The following AFF1 variants were observed in gnomAD, a reference collection of about 807,000 sequenced individuals.
The protein encoded by AFF1 is ALF transcription elongation factor 1.
A neutral mutation model predicts 121.7 loss-of-function variants in AFF1; 48 were observed. The observed-to-expected ratio is 0.39, with a 90% CI of 0.31 to 0.50. The LOEUF is 0.50. Ranked by LOEUF, AFF1 falls within the 20% of genes least tolerant of loss-of-function variation. AFF1 has a pLI of 0.76. For missense variants in AFF1, 1,523 were observed against 1,511.7 expected, an observed-to-expected ratio of 1.01 and a Z score of -0.12; for synonymous variants, 613 against 563.0, an observed-to-expected ratio of 1.09 and a Z score of -1.26.
chr4:87,088,775 GTATT>G (rs35756067), intron 5 of AFF1, among the ~76,000 whole-genome samples: 2 of 150,360 alleles, frequency 1.3e-5, no homozygotes, highest in South Asian at 2.1e-4. Context: ...TTGTATTTTT[GTATT>G]TATTTATTTA....
At chr4:87,058,647 A>G (rs1025790551) in intron 4 of AFF1, among the ~76,000 whole-genome samples, 2 of 152,054 alleles carry the variant, frequency 1.3e-5, no homozygotes, top group African/African-American at 2.4e-5. Flanking sequence ...CAGCTCTTTC[A>G]TGATAGTCTA....
Position 87,047,502 on chromosome 4 carries a change from G to A in AFF1, c.967G>A (p.Asp323Asn). 1 of 1,614,192 alleles carries A rather than the reference G, an allele frequency of 6.2e-7. No homozygotes were observed. The highest frequency in any genetic ancestry group is 1.1e-5 in the South Asian group (1 of 91,076). ...CCCTGAACTGAAACCACTGCCGGAG[G>A]ACTATCGACAGCAGACCTTTGAAAA... ...ESPELKPLPEDYRQQTFEKTD... is the reference protein window; with the variant it reads ...ESPELKPLPENYRQQTFEKTD... Residue 323 changes from aspartate (D) to asparagine (N), a missense_variant, in exon 4 of 21, where the codon GAC becomes AAC. By Grantham distance (23) the Asp-to-Asn change is conservative. Coordinates refer to ENST00000395146, the MANE Select transcript of AFF1 (RefSeq NM_001166693.3).
intron 2 of AFF1, among the ~76,000 whole-genome samples, chr4:87,043,369 T>C (rs1200652055): frequency 6.6e-6 from 1 of 152,138 alleles, no homozygotes; most frequent in African/African-American, 2.4e-5. Context: ...AATAGAAGCT[T>C]AGATGCTCAG....
At chr4:87,005,825 G>A (rs1412648130) in intron 2 of AFF1, among the ~76,000 whole-genome samples, 1 of 152,204 alleles carries the variant, frequency 6.6e-6, no homozygotes, top group Admixed American at 6.5e-5. Context: ...AATAACGTGT[G>A]GTAGTGAAGA....
At chr4:87,090,460 A>G (rs948217958) in intron 6 of AFF1, among the ~76,000 whole-genome samples, 1 of 152,208 alleles carries the variant, frequency 6.6e-6, no homozygotes, top group African/African-American at 2.4e-5. Context: ...TAATGTGATC[A>G]GTTACACTAG....
At chr4:86,940,733 C>T (rs1300234365) in intron 1 of AFF1, among the ~76,000 whole-genome samples, 1 of 152,146 alleles carries the variant, frequency 6.6e-6, no homozygotes, top group Non-Finnish European at 1.5e-5. Context: ...GTAAGTGTGT[C>T]TGCTCTTCAC....
intron 7 of AFF1, among the ~76,000 whole-genome samples, chr4:87,093,733 T>C (rs1412025198): frequency 6.6e-6 from 1 of 152,176 alleles, no homozygotes; most frequent in African/African-American, 2.4e-5. Context: ...GCTGCCACCA[T>C]GAGGGCAAAG....
chr4:87,006,214 T>C (rs1054616128), intron 2 of AFF1, among the ~76,000 whole-genome samples: 2 of 152,162 alleles, frequency 1.3e-5, no homozygotes, highest in Admixed American at 6.5e-5. Context: ...CAGGCAGTTA[T>C]TCAGTATTCA....
intron 8 of AFF1, among the ~76,000 whole-genome samples, chr4:87,102,966 T>C (rs1273878087): frequency 1.3e-5 from 2 of 152,188 alleles, no homozygotes; most frequent in Admixed American, 6.5e-5. Context: ...CCTCTTAAAT[T>C]TAAAAGAAAT....
intron 12 of AFF1, among the ~76,000 whole-genome samples, chr4:87,115,609 C>CTTT (rs71660115): frequency 4.9e-4 from 20 of 40,662 alleles, no homozygotes; most frequent in Admixed American, 1.1e-3. Flanking sequence ...CAACCCACCT[C>CTTT]TTTTTTTTTT....
chr4:86,984,813 T>C (rs189814361), intron 2 of AFF1, among the ~76,000 whole-genome samples: 1 of 152,180 alleles, frequency 6.6e-6, no homozygotes, highest in Admixed American at 6.5e-5. Flanking sequence ...GTCCCGCTAC[T>C]TGGGATTCTG....
In AFF1 at chr4:87,115,137, G is replaced by C; in HGVS notation, c.2304G>C (p.Leu768Phe). The C allele has an allele frequency of 1.2e-6, 2 of 1,614,166 alleles. No homozygotes were observed. Among genetic ancestry groups the C allele is most frequent in the Non-Finnish European group, 1.7e-6 (2 of 1,180,034 alleles). Residue 768 changes from leucine (L) to phenylalanine (F), a missense_variant, in exon 12 of 21, where the codon TTG becomes TTC. This residue lies in a region of AFF1 where 905 missense variants were observed against 842.5 expected (regional missense o/e 1.07). Transcript: ENST00000395146. ...GGGACACTCCTCCCCCACAAAGCTT[G>C]ATGGTGAAGATCACCCTAGACCTGC... The part of the protein sequence containing the change: ...PLRDTPPPQS[L>F]MVKITLDLLS...
At chr4:86,987,543 C>T (rs575025458) in intron 2 of AFF1, among the ~76,000 whole-genome samples, 20 of 152,260 alleles carry the variant, frequency 1.3e-4, no homozygotes, top group African/African-American at 4.8e-4. Flanking sequence ...AGTCCTAATT[C>T]TTCAGTAGGT....
rs574376341 is a variant in AFF1, at chr4:87,068,261, C to A, written c.1060-15859C>A. On this transcript the variant is annotated intron_variant, in intron 4 of 20. Coordinates refer to ENST00000395146, the MANE Select transcript of AFF1 (RefSeq NM_001166693.3). ...TATAATGTAAGCATGAAAATTGCCC[C>A]CCCCCCACTCCATGAATAAATTGCC... 2.1e-5 allele frequency among the ~76,000 whole-genome samples: 3 copies of A among 141,230 alleles called. No individual in the cohort carries two copies. In the East Asian group the frequency reaches 6.6e-4, roughly 31 times the overall value. 92.7% of individuals were successfully genotyped at this position (141,230 alleles called of 152,430 possible). A position where few individuals can be genotyped will look rare whatever the true frequency, so the allele number is the denominator to read the frequency against.
At chr4:87,012,937 A>G (rs1167306582) in intron 2 of AFF1, among the ~76,000 whole-genome samples, 1 of 151,692 alleles carries the variant, frequency 6.6e-6, no homozygotes, top group African/African-American at 2.4e-5. Flanking sequence ...CAGACCTGGC[A>G]TCTTGAAAGT....
Position 87,047,021 on chromosome 4 carries a change from C to G in AFF1, c.486C>G (p.Asp162Glu). ...ATGCCAAAAGCTGCGGCCCACCGGA[C>G]AGCCAGCACCTGACCCAGGATCGCC... ...SLHAKSCGPP[D>E]SQHLTQDRLG... Residue 162 changes from aspartate (D) to glutamate (E), a missense_variant, in exon 4 of 21, where the codon GAC becomes GAG. This residue lies in a region of AFF1 where 369 missense variants were observed against 367.2 expected (regional missense o/e 1.00). Transcript: ENST00000395146. 2 of 1,614,234 alleles carry G rather than the reference C, an allele frequency of 1.2e-6. No individual in the cohort carries two copies. Among genetic ancestry groups the G allele is most frequent in the Admixed American group, 3.3e-5 (2 of 60,026 alleles).
rs373202224 is a variant in AFF1, at chr4:87,016,336, G to T, written c.39-29830G>T. 3.3e-5 allele frequency among the ~76,000 whole-genome samples: 5 copies of T among 151,940 alleles called. No individual in the cohort carries two copies. The South Asian group carries it at 8.3e-4, about 25-fold the overall frequency. ...TTTTGTAAAAGTGATTTTATTCGAG[G>T]TCAGGAGATCAAGACCATCCTGACT... On this transcript the variant is annotated intron_variant, in intron 2 of 20. Coordinates refer to ENST00000395146, the MANE Select transcript of AFF1 (RefSeq NM_001166693.3).
At chr4:87,110,512 C>A (rs1008014076) in intron 11 of AFF1, among the ~76,000 whole-genome samples, 1 of 151,032 alleles carries the variant, frequency 6.6e-6, no homozygotes, top group Non-Finnish European at 1.5e-5. Context: ...CATCCCCCCA[C>A]CCCCTACTAC....
Position 87,056,056 on chromosome 4 carries a change from CCTATTTAAATTTGGCCTACTTTCT to C in AFF1, c.1059+8465_1059+8488del, listed in dbSNP as rs1720105450. 2.6e-5 allele frequency among the ~76,000 whole-genome samples: 4 copies of C among 152,138 alleles called. No homozygotes were observed. The South Asian group carries it at 8.3e-4, about 32-fold the overall frequency. On this transcript the variant is annotated intron_variant, in intron 4 of 20. Transcript: ENST00000395146. ...TTTTCTCTTGAACTTCATTTCATTC[CCTATTTAAATTTGGCCTACTTTCT>C]CTCTGCATTTTTTTTTTCCTAACCC...
Sources: gnomAD v4.1 joint callset for allele counts (sites outside exome capture counted in the v4.1 genomes callset) on GRCh38, gnomAD v4.1.1 for gene constraint, gnomAD v4.1.1 regional missense constraint, MANE v1.5 for transcripts, NCBI Gene and HGNC (gene_info 2026-07-23, HGNC 2026-07-21) for gene names.